TRMT10B: variants seen among roughly 807,000 people sequenced by gnomAD.
TRMT10B encodes the protein tRNA methyltransferase 10 homolog B.
A neutral mutation model predicts 43.8 loss-of-function variants in TRMT10B; 33 were observed. That is an observed-to-expected ratio of 0.75 (90% CI 0.57 to 1.01). The LOEUF (loss-of-function observed/expected upper bound fraction) is 1.01, where lower values mean the gene tolerates loss of function less well. Ranked by LOEUF, TRMT10B falls within the 50% of genes least tolerant of loss-of-function variation. The pLI, the probability that TRMT10B is intolerant of heterozygous loss-of-function variation, is 0.00. For missense variants in TRMT10B, 362 were observed against 369.8 expected (o/e 0.98, Z 0.17); for synonymous variants, 137 against 130.6 (o/e 1.05, Z -0.34).
intron 4 of TRMT10B, 181 bp downstream of exon 4, chr9:37,763,934 G>T (rs1563992945): frequency 6.3e-6 from 8 of 1,275,450 alleles, no homozygotes; most frequent in East Asian, 2.8e-5. Flanking sequence ...ACCTGGAAGA[G>T]AATATATATA....
chr9:37,763,163 AAAC>A (rs1826592791), intron 3 of TRMT10B, among the ~76,000 whole-genome samples: 12 of 147,500 alleles, frequency 8.1e-5, no homozygotes, highest in Non-Finnish European at 1.0e-4. Flanking sequence ...AAAAAAAAAA[AAAC>A]AAAAAAAAAA....
At chr9:37,769,917 C>T (rs866173346) in intron 5 of TRMT10B, 24 bp from the exon 6 acceptor site, 2 of 1,604,700 alleles carry the variant, frequency 1.2e-6, no homozygotes, top group Middle Eastern at 1.7e-4. Context: ...GCTGTTTTAA[C>T]ATCAGACTGT....
intron 1 of TRMT10B, among the ~76,000 whole-genome samples, chr9:37,757,976 G>C (rs17514413): frequency 0.13 from 19,621 of 152,148 alleles, 1,442 homozygotes; most frequent in Non-Finnish European, 0.16. Flanking sequence ...CCAATTTTGA[G>C]CATTTGATGG....
intron 5 of TRMT10B, chr9:37,769,614 C>T (rs1383394789): frequency 4.2e-5 from 10 of 240,664 alleles, no homozygotes; most frequent in East Asian, 8.5e-5. Context: ...GAATTTTGAG[C>T]GGGGTTTTTT....
rs887363858 is a variant in TRMT10B, at chr9:37,762,752, A to G, written c.295+67A>G. ...TTAGCAAACGTGTCTGCATGTTCCA[A>G]TGAGAGTAGGAATTTTGTATAAGTA... On this transcript the variant is annotated intron_variant, in intron 3 of 8. Coordinates refer to ENST00000297994, the MANE Select transcript of TRMT10B (RefSeq NM_144964.4). 21 of 1,489,438 alleles carry G rather than the reference A, an allele frequency of 1.4e-5. 1 individual carries two copies. The highest frequency in any genetic ancestry group is 1.0e-4 in the East Asian group (4 of 40,014). 92.3% of individuals were successfully genotyped at this position (1,489,438 alleles called of 1,614,324 possible).
At chr9:37,755,290 A>T (rs1326863379) in intron 1 of TRMT10B, among the ~76,000 whole-genome samples, 49 of 94,280 alleles carry the variant, frequency 5.2e-4, no homozygotes, top group Admixed American at 1.8e-3. Flanking sequence ...TTTTTTTTTT[A>T]AAGTTAGTTT....
At chr9:37,756,792 A>G (rs1483223806) in intron 1 of TRMT10B, among the ~76,000 whole-genome samples, 4 of 133,116 alleles carry the variant, frequency 3.0e-5, no homozygotes, top group African/African-American at 1.1e-4. Flanking sequence ...GTATACATAC[A>G]TGTGTATGTG....
At position 37,762,172 on chromosome 9, in the gene TRMT10B, AC is replaced by A. The variant is rs1425066914; in HGVS notation, c.186+59del. On this transcript the variant is annotated intron_variant, in intron 2 of 8. Transcript: ENST00000297994. ...CTTGAATGATGGAATGTCTCAAGAC[AC>A]CCCTGTTTTAAAGATGGATACTGGT... 4.4e-5 allele frequency: 67 copies of A among 1,531,542 alleles called. 1 individual carries two copies. In the East Asian group the frequency reaches 1.5e-3, roughly 34 times the overall value. The allele number at this position is 1,531,542 out of a possible 1,614,324, so 94.9% of individuals were successfully genotyped here. A position where few individuals can be genotyped will look rare whatever the true frequency, so the allele number is the denominator to read the frequency against.
rs1828447951 is a variant in TRMT10B at position 37,778,800 on chromosome 9, A to C, written c.*1093A>C. Reference sequence around the variant, plus strand: ...CATTTTGTTCCCTCCTGTGGCTCTTACCTTGTTCTCCCTTGCAGAGTATGG... The same window carrying C: ...CATTTTGTTCCCTCCTGTGGCTCTTCCCTTGTTCTCCCTTGCAGAGTATGG... On this transcript the variant is annotated 3_prime_UTR_variant, in exon 9 of 9. Transcript: ENST00000297994. The C allele has an allele frequency of 6.6e-6, 1 of 152,026 alleles. No homozygotes were observed. The highest frequency in any genetic ancestry group is 1.5e-5 in the Non-Finnish European group (1 of 68,048). 9.4% of individuals were successfully genotyped at this position (152,026 alleles called of 1,614,324 possible).
rs544869607 is a variant in TRMT10B at position 37,768,299 on chromosome 9, T to G, written c.573+71T>G. On this transcript the variant is annotated intron_variant, in intron 5 of 8. Transcript: ENST00000297994. ...ATTGTGGTTAATAGTATTTTTTTTTTACTTTTTCATATATGTTACATTTTC... is the reference window on the plus strand; with the variant it reads ...ATTGTGGTTAATAGTATTTTTTTTTGACTTTTTCATATATGTTACATTTTC... 6.3e-6 allele frequency: 9 copies of G among 1,437,602 alleles called. No homozygotes were observed. In the Admixed American group the frequency reaches 2.0e-4, roughly 32 times the overall value. 89.1% of individuals were successfully genotyped at this position (1,437,602 alleles called of 1,614,324 possible).
chr9:37,762,482 TATAA>T, intron 2 of TRMT10B, 91 bp from the exon 3 acceptor site: 1 of 1,472,972 alleles, frequency 6.8e-7, no homozygotes, highest in African/African-American at 1.4e-5. Context: ...AAACTATATA[TATAA>T]ATAAGAAAAA....
chr9:37,753,265 C>T (rs1343167967), upstream of TRMT10B, among the ~76,000 whole-genome samples: 1 of 152,206 alleles, frequency 6.6e-6, no homozygotes, highest in Non-Finnish European at 1.5e-5. Flanking sequence ...ACCAAGAATC[C>T]ACCATTTCCG....
In TRMT10B at chr9:37,761,994, A is replaced by C. The variant is rs775816045; in HGVS notation, c.63A>C (p.Glu21Asp). 1.2e-6 allele frequency: 2 copies of C among 1,614,032 alleles called. No individual in the cohort carries two copies. Among genetic ancestry groups the C allele is most frequent in the South Asian group, 1.1e-5 (1 of 91,056 alleles). ...KVESPVLQGQ[E>D]GILEETGEDG... ...AGTCACCTGTGCTGCAGGGGCAAGA[A>C]GGCATCCTAGAGGAGACAGGTGAAG... Residue 21 changes from glutamate to aspartate, a missense_variant, in exon 2 of 9, where the codon GAA (glutamate) becomes GAC (aspartate). By Grantham distance (45) the Glu-to-Asp change is conservative (BLOSUM62 2). Coordinates refer to ENST00000297994, the MANE Select transcript of TRMT10B (RefSeq NM_144964.4).
intron 1 of TRMT10B, among the ~76,000 whole-genome samples, chr9:37,758,614 G>A (rs2118712553): frequency 6.6e-6 from 1 of 152,272 alleles, no homozygotes; most frequent in Middle Eastern, 3.4e-3. Context: ...TGGGGAGTCA[G>A]AAATACTATA....
At chr9:37,759,069 A>G (rs970855749) in intron 1 of TRMT10B, among the ~76,000 whole-genome samples, 4 of 152,244 alleles carry the variant, frequency 2.6e-5, no homozygotes, top group Admixed American at 6.5e-5. Context: ...GTAAAATGGT[A>G]TAATACTTTG....
intron 8 of TRMT10B, among the ~76,000 whole-genome samples, chr9:37,776,749 ATCAG>A (rs1011286148): frequency 1.3e-5 from 2 of 151,822 alleles, no homozygotes; most frequent in African/African-American, 2.4e-5. Flanking sequence ...AAATACAAAA[ATCAG>A]TCAGGCGTGG....
At position 37,776,373 on chromosome 9, in the gene TRMT10B, A is replaced by C. The variant is rs1486854214; in HGVS notation, c.812A>C (p.Asn271Thr). ...EYMVRNQNGK[N>T]YHSEILAINQ... ...ATGGTCAGAAACCAGAATGGGAAAA[A>C]CTATCATTCAGAGATACTGGCCATC... is the stretch of plus-strand genomic sequence containing the variant. Residue 271 changes from asparagine to threonine, a missense_variant, in exon 8 of 9, where the codon AAC becomes ACC. Asn to Thr is a moderately conservative substitution (Grantham distance 65, BLOSUM62 0). Coordinates refer to ENST00000297994, the MANE Select transcript of TRMT10B (RefSeq NM_144964.4). The C allele has an allele frequency of 2.5e-6, 4 of 1,612,120 alleles. No individual in the cohort carries two copies. In the Admixed American group the frequency reaches 5.0e-5, roughly 20 times the overall value.
At chr9:37,772,535 C>T (rs1030934596) in intron 7 of TRMT10B, among the ~76,000 whole-genome samples, 5 of 152,172 alleles carry the variant, frequency 3.3e-5, no homozygotes, top group African/African-American at 9.7e-5. Context: ...CCTACCTCAG[C>T]ATCCCAGAGT....
chr9:37,773,010 TG>T (rs542044893), intron 7 of TRMT10B, among the ~76,000 whole-genome samples: 180 of 152,310 alleles, frequency 1.2e-3, no homozygotes, highest in Non-Finnish European at 1.6e-3. Context: ...GAAGTGAAAA[TG>T]GTATTGTGGT....
Sources: allele counts gnomAD v4.1 joint callset (sites outside exome capture counted in the v4.1 genomes callset), GRCh38; gene constraint gnomAD v4.1.1; transcripts MANE v1.5; gene names NCBI Gene and HGNC (gene_info 2026-07-23, HGNC 2026-07-21).